Variants in NAALADL2 observed in about 807,000 individuals in gnomAD.
The protein encoded by NAALADL2 is inactive N-acetylated-alpha-linked acidic dipeptidase-like protein 2.
Under a neutral mutation model 87.2 loss-of-function variants are expected in NAALADL2, and 76 were observed. That is an observed-to-expected ratio of 0.87 (90% CI 0.72 to 1.05). The LOEUF (loss-of-function observed/expected upper bound fraction) is 1.05. Ranked by LOEUF, NAALADL2 falls within the 50% of genes least tolerant of loss-of-function variation. The pLI, the probability that NAALADL2 is intolerant of heterozygous loss-of-function variation, is 0.00. For synonymous variants in NAALADL2, 354 were observed against 331.0 expected (o/e 1.07, Z -0.75); for missense variants, 1,089 against 945.8 (o/e 1.15, Z -1.99).
chr3:174,761,210 T>C (rs927100775), intron 3 of NAALADL2, among the ~76,000 whole-genome samples: 1 of 152,216 alleles, frequency 6.6e-6, no homozygotes, highest in Admixed American at 6.5e-5. Flanking sequence ...ATCTATCTTA[T>C]AATGACAATT....
At chr3:175,088,268 T>A (rs1334804544) in intron 1 of NAALADL2, among the ~76,000 whole-genome samples, 3 of 152,186 alleles carry the variant, frequency 2.0e-5, no homozygotes, top group Non-Finnish European at 4.4e-5. Context: ...AGAATAGATT[T>A]TCAGAATTTA....
At chr3:174,721,670 G>A (rs540038042) in intron 2 of NAALADL2, among the ~76,000 whole-genome samples, 162 of 152,290 alleles carry the variant, frequency 1.1e-3, no homozygotes, top group Non-Finnish European at 1.8e-3. Context: ...GTCTACCAGA[G>A]TTCCATGGAT....
intron 5 of NAALADL2, among the ~76,000 whole-genome samples, chr3:175,425,774 A>T (rs773887185): frequency 1.3e-5 from 2 of 152,196 alleles, no homozygotes; most frequent in Non-Finnish European, 2.9e-5. Flanking sequence ...AACAAAAGAA[A>T]GACCTAGGAT....
At chr3:175,108,785 C>A (rs1580491064) in intron 2 of NAALADL2, among the ~76,000 whole-genome samples, 2 of 151,874 alleles carry the variant, frequency 1.3e-5, no homozygotes, top group African/African-American at 4.8e-5. Flanking sequence ...TCAAAATATG[C>A]CTTGCTATTT....
At position 174,889,525 on chromosome 3, in the gene NAALADL2, A is replaced by C. The variant is rs529894880; in HGVS notation, c.43+30075A>C. Among the ~76,000 whole-genome samples the C allele has an allele frequency of 2.0e-5, 3 of 152,202 alleles. No homozygotes were observed. In the South Asian group the frequency reaches 6.2e-4, roughly 32 times the overall value. On this transcript the variant is annotated intron_variant, in intron 1 of 13. Coordinates refer to ENST00000454872, the MANE Select transcript of NAALADL2 (RefSeq NM_207015.3). ...CTGTCTGCCCTGTGTGTGCCCTTATATCTCTCATTCCCCATCCTCACTTCT... is the reference window on the plus strand; with the variant it reads ...CTGTCTGCCCTGTGTGTGCCCTTATCTCTCTCATTCCCCATCCTCACTTCT...
intron 3 of NAALADL2, among the ~76,000 whole-genome samples, chr3:174,796,415 A>G (rs1440106415): frequency 2.6e-5 from 4 of 152,034 alleles, no homozygotes. Context: ...CTATGGTACT[A>G]TATTCTATGC....
intron 2 of NAALADL2, among the ~76,000 whole-genome samples, chr3:175,160,360 CTTTTTT>C (rs71164618): frequency 3.0e-4 from 17 of 57,042 alleles, no homozygotes; most frequent in African/African-American, 7.5e-4. Flanking sequence ...TCTTTTCTTT[CTTTTTT>C]TTTTTTTTTT....
intron 3 of NAALADL2, among the ~76,000 whole-genome samples, chr3:174,838,422 G>C (rs1424094637): frequency 6.6e-6 from 1 of 152,106 alleles, no homozygotes; most frequent in Non-Finnish European, 1.5e-5. Context: ...CATTCCCTGT[G>C]AGAAATCGAA....
At chr3:175,300,103 A>T (rs955824524) in intron 4 of NAALADL2, among the ~76,000 whole-genome samples, 1 of 152,206 alleles carries the variant, frequency 6.6e-6, no homozygotes, top group East Asian at 1.9e-4. Flanking sequence ...TGATTTGCAT[A>T]TGCTGAACCA....
chr3:174,582,586 T>C (rs1020870441), intron 2 of NAALADL2, among the ~76,000 whole-genome samples: 1 of 152,170 alleles, frequency 6.6e-6, no homozygotes, highest in African/African-American at 2.4e-5. Flanking sequence ...CTAGACTTCA[T>C]TTCTTTTTTT....
chr3:175,650,991 G>A (rs1299687720), intron 11 of NAALADL2, among the ~76,000 whole-genome samples: 2 of 152,238 alleles, frequency 1.3e-5, no homozygotes, highest in East Asian at 3.9e-4. Context: ...AATGTGGATG[G>A]CATCACAAGG....
At chr3:174,640,306 A>T (rs186140264) in intron 2 of NAALADL2, among the ~76,000 whole-genome samples, 1 of 152,288 alleles carries the variant, frequency 6.6e-6, no homozygotes, top group African/African-American at 2.4e-5. Flanking sequence ...GCTGTGCCTC[A>T]AAGGAGAGGT....
At chr3:175,144,614 C>A (rs1385880318) in intron 2 of NAALADL2, among the ~76,000 whole-genome samples, 1 of 151,904 alleles carries the variant, frequency 6.6e-6, no homozygotes, top group East Asian at 1.9e-4. Context: ...CTGAATTTAT[C>A]CCCCACATGC....
rs78354640 is a variant in NAALADL2, at chr3:174,443,704, T to C, written c.-184+2672T>C. ...CCAGACTTTACGTCATAAAATCTGG[T>C]ACATAATGGTGTACGTCAGCATTAT... is the stretch of plus-strand genomic sequence containing the variant. On this transcript the variant is annotated intron_variant, in intron 1 of 3. Transcript: ENST00000434257. Among the ~76,000 whole-genome samples, 301 of 152,230 alleles carry C rather than the reference T, an allele frequency of 2.0e-3. 2 individuals are homozygous for C. The highest frequency in any genetic ancestry group is 6.8e-3 in the African/African-American group (281 of 41,526).
chr3:174,792,223 C>CAGAA (rs1274061963), intron 3 of NAALADL2, among the ~76,000 whole-genome samples: 1 of 136,976 alleles, frequency 7.3e-6, no homozygotes, highest in Non-Finnish European at 1.5e-5. Context: ...CCTGTCTCAA[C>CAGAA]AGAAAGAAAG....
chr3:175,499,953 G>A (rs999888658), intron 9 of NAALADL2, among the ~76,000 whole-genome samples: 1 of 151,866 alleles, frequency 6.6e-6, no homozygotes, highest in African/African-American at 2.4e-5. Flanking sequence ...TGCTAATATT[G>A]GAATATTACT....
chr3:174,938,205 T>C (rs952882694), intron 1 of NAALADL2, among the ~76,000 whole-genome samples: 1 of 152,070 alleles, frequency 6.6e-6, no homozygotes, highest in Non-Finnish European at 1.5e-5. Context: ...GACCCCAGTG[T>C]CTGTTGCTTT....
intron 5 of NAALADL2, among the ~76,000 whole-genome samples, chr3:175,408,292 C>T (rs1712806359): frequency 6.6e-6 from 1 of 151,684 alleles, no homozygotes; most frequent in African/African-American, 2.4e-5. Flanking sequence ...TCTCACTGGA[C>T]AAAAAAAGTT....
chr3:174,878,049 A>G (rs1424838963), intron 1 of NAALADL2, among the ~76,000 whole-genome samples: 5 of 152,062 alleles, frequency 3.3e-5, no homozygotes, highest in Non-Finnish European at 7.4e-5. Flanking sequence ...CTTAACAAAG[A>G]AAACAGTGAT....
Sources: gnomAD v4.1 joint callset for allele counts (sites outside exome capture counted in the v4.1 genomes callset) on GRCh38, gnomAD v4.1.1 for gene constraint, MANE v1.5 for transcripts, NCBI Gene and HGNC (gene_info 2026-07-23, HGNC 2026-07-21) for gene names.